Variants in PITPNB observed in about 807,000 individuals in gnomAD.
The protein encoded by PITPNB is phosphatidylinositol transfer protein beta isoform.
PITPNB carries 16 observed loss-of-function variants against 45.9 expected under a neutral mutation model. That is an observed-to-expected ratio of 0.35 (90% CI 0.24 to 0.53). PITPNB has a LOEUF of 0.53. Ranked by LOEUF, PITPNB falls within the 20% of genes least tolerant of loss-of-function variation. The pLI is 0.93. For synonymous variants in PITPNB, 112 were observed against 108.9 expected (o/e 1.03, Z -0.18); for missense variants, 188 against 330.5 (o/e 0.57, Z 3.34).
In PITPNB at chr22:27,879,527, A is replaced by G. The variant is rs58519712; in HGVS notation, c.457-5712T>C. On this transcript the variant is annotated intron_variant, in intron 7 of 11. Transcript: ENST00000335272. ...TCCTGCTTTGGGCAGTTCATGCACA[A>G]ATATAGAATATATTTATTATTGTAA... is the stretch of plus-strand genomic sequence containing the variant. Among the ~76,000 whole-genome samples the G allele has an allele frequency of 6.7e-3, 1,016 of 152,272 alleles. 15 individuals carry two copies. Among genetic ancestry groups the G allele is most frequent in the African/African-American group, 0.024 (979 of 41,562 alleles).
At chr22:27,875,310 C>A (rs1934789292) in intron 7 of PITPNB, among the ~76,000 whole-genome samples, 1 of 152,260 alleles carries the variant, frequency 6.6e-6, no homozygotes, top group African/African-American at 2.4e-5. Flanking sequence ...CCACAGGCAT[C>A]AGCATTACCC....
At chr22:27,913,007 G>A (rs5762400) in intron 2 of PITPNB, among the ~76,000 whole-genome samples, 13,997 of 137,856 alleles carry the variant, frequency 0.1, 781 homozygotes, top group Middle Eastern at 0.2. Context: ...AAAAAAAGGT[G>A]GGGGGGGGAG....
chr22:27,877,094 G>T (rs1969515656), intron 7 of PITPNB, among the ~76,000 whole-genome samples: 1 of 152,180 alleles, frequency 6.6e-6, no homozygotes, highest in South Asian at 2.1e-4. Context: ...ACCAGGCCAA[G>T]GAAATGCATT....
intron 10 of PITPNB, among the ~76,000 whole-genome samples, chr22:27,855,625 C>A (rs780411375): frequency 1.3e-5 from 2 of 152,158 alleles, no homozygotes. Flanking sequence ...ACCCCGGAAC[C>A]GGAGGTGCCA....
intron 10 of PITPNB, among the ~76,000 whole-genome samples, chr22:27,856,973 G>C (rs1255259036): frequency 1.3e-5 from 2 of 152,122 alleles, no homozygotes; most frequent in East Asian, 3.9e-4. Flanking sequence ...TGGGAGAGAG[G>C]CCTAGAAAGA....
At chr22:27,861,725 T>C (rs545290642) in intron 8 of PITPNB, among the ~76,000 whole-genome samples, 65 of 152,198 alleles carry the variant, frequency 4.3e-4, no homozygotes, top group Non-Finnish European at 8.4e-4. Context: ...GAAGCCCCAG[T>C]GTTGGTGTGC....
At chr22:27,907,530 T>C (rs1401035326) in intron 3 of PITPNB, among the ~76,000 whole-genome samples, 2 of 152,198 alleles carry the variant, frequency 1.3e-5, no homozygotes, top group African/African-American at 4.8e-5. Context: ...ACTGTCAGAA[T>C]AGTCATTATT....
intron 7 of PITPNB, among the ~76,000 whole-genome samples, chr22:27,875,832 T>C (rs960499989): frequency 2.0e-5 from 3 of 152,122 alleles, no homozygotes; most frequent in Admixed American, 2.0e-4. Context: ...AAAGAATCAG[T>C]CTAGTTGGGA....
intron 7 of PITPNB, among the ~76,000 whole-genome samples, chr22:27,892,301 T>C (rs948622073): frequency 1.3e-5 from 2 of 152,188 alleles, no homozygotes; most frequent in African/African-American, 4.8e-5. Flanking sequence ...TCCACCAGCA[T>C]TCATGCCTGT....
At chr22:27,877,617 A>G (rs957680351) in intron 7 of PITPNB, among the ~76,000 whole-genome samples, 2 of 152,248 alleles carry the variant, frequency 1.3e-5, no homozygotes, top group East Asian at 3.8e-4. Context: ...TTCATTTCGA[A>G]TACAAAGAAT....
Position 27,854,882 on chromosome 22 carries a change from G to A in PITPNB, c.*10C>T. 1.2e-6 allele frequency: 2 copies of A among 1,612,704 alleles called. No individual in the cohort carries two copies. The highest frequency in any genetic ancestry group is 8.5e-7 in the Non-Finnish European group (1 of 1,178,740). On this transcript the variant is annotated 3_prime_UTR_variant, in exon 11 of 12. Transcript: ENST00000335272. ...GTTTGACATTGTCTCTGACCCTACA[G>A]GGGACTCATCTAGACATCAGCAGCC...
At chr22:27,889,181 G>A (rs889980758) in intron 7 of PITPNB, among the ~76,000 whole-genome samples, 4 of 152,188 alleles carry the variant, frequency 2.6e-5, no homozygotes, top group African/African-American at 9.7e-5. Flanking sequence ...TGAGGGAGGA[G>A]GGGGCAAGAA....
intron 3 of PITPNB, among the ~76,000 whole-genome samples, chr22:27,903,160 A>G (rs966862368): frequency 6.6e-6 from 1 of 152,158 alleles, no homozygotes; most frequent in African/African-American, 2.4e-5. Context: ...TTAACAAAGA[A>G]AACTCAATTT....
At position 27,914,203 on chromosome 22, in the gene PITPNB, C is replaced by T. The variant is rs571390761; in HGVS notation, c.51+114G>A. On this transcript the variant is annotated intron_variant, in intron 2 of 11. Transcript: ENST00000335272. ...TTATCATTCATATAATTAATTTTGT[C>T]ACATAAGGTGGAATGAAAAGGTAAA... 10 of 689,210 alleles carry T rather than the reference C, an allele frequency of 1.5e-5. No homozygotes were observed. In the South Asian group the frequency reaches 1.6e-4, roughly 11 times the overall value. The allele number at this position is 689,210 out of a possible 1,614,324, so 42.7% of individuals were successfully genotyped here. A position where few individuals can be genotyped will look rare whatever the true frequency, so the allele number is the denominator to read the frequency against.
intron 5 of PITPNB, 190 bp downstream of exon 5, chr22:27,896,939 AT>A: frequency 1.6e-6 from 1 of 632,586 alleles, no homozygotes. Context: ...CAATAGGGAG[AT>A]TTTGAGACAA....
chr22:27,886,794 ACT>A (rs1278048518), intron 7 of PITPNB, among the ~76,000 whole-genome samples: 6 of 152,160 alleles, frequency 3.9e-5, no homozygotes, highest in Non-Finnish European at 7.3e-5. Context: ...GTTTGTCCTG[ACT>A]CTGAGGACTT....
intron 3 of PITPNB, among the ~76,000 whole-genome samples, chr22:27,906,445 G>C (rs1485468826): frequency 6.6e-6 from 1 of 152,204 alleles, no homozygotes; most frequent in Non-Finnish European, 1.5e-5. Flanking sequence ...GTTAACTTCA[G>C]GAAATGGAAA....
At chr22:27,881,870 C>G (rs1317155634) in intron 7 of PITPNB, among the ~76,000 whole-genome samples, 1 of 152,236 alleles carries the variant, frequency 6.6e-6, no homozygotes, top group Non-Finnish European at 1.5e-5. Context: ...CTTACAAATA[C>G]TAACAACTTC....
At chr22:27,879,013 T>TGA (rs1382601984) in intron 7 of PITPNB, among the ~76,000 whole-genome samples, 1 of 152,110 alleles carries the variant, frequency 6.6e-6, no homozygotes, top group Non-Finnish European at 1.5e-5. Flanking sequence ...CAGTCAAATC[T>TGA]ACACCCCTGA....
Sources: allele counts gnomAD v4.1 joint callset (sites outside exome capture counted in the v4.1 genomes callset), GRCh38; gene constraint gnomAD v4.1.1; transcripts MANE v1.5; gene names NCBI Gene and HGNC (gene_info 2026-07-23, HGNC 2026-07-21).